The following LARGE1 variants were observed in gnomAD, a reference collection of about 807,000 sequenced individuals.
The protein encoded by LARGE1 is xylosyl- and glucuronyltransferase LARGE1.
Under a neutral mutation model 87.6 loss-of-function variants are expected in LARGE1, and 43 were observed. That is an observed-to-expected ratio of 0.49 (90% CI 0.38 to 0.63). LARGE1 has a LOEUF of 0.63. LARGE1 is among the 30% of genes least tolerant of loss of function. The pLI is 0.00. For synonymous variants in LARGE1, 434 were observed against 394.6 expected (o/e 1.10, Z -1.18); for missense variants, 802 against 1,000.2 (o/e 0.80, Z 2.67).
At chr22:33,336,669 C>G (rs551622752) in intron 10 of LARGE1, among the ~76,000 whole-genome samples, 1 of 152,166 alleles carries the variant, frequency 6.6e-6, no homozygotes, top group Non-Finnish European at 1.5e-5. Context: ...TCTCTATATC[C>G]TAAGAAACTC....
rs190246485 is a variant in LARGE1 at position 33,524,067 on chromosome 22, C to T, written c.787+40781G>A. 3.8e-3 allele frequency among the ~76,000 whole-genome samples: 573 copies of T among 152,038 alleles called. 1 individual carries two copies. The highest frequency in any genetic ancestry group is 9.8e-3 in the African/African-American group (407 of 41,480). On this transcript the variant is annotated intron_variant, in intron 6 of 14. Transcript: ENST00000397394. ...CAGCACTTTAGAATGCTGAGGCGGG[C>T]GGATCATGAGGTCAGGAGTTCAAGA...
At chr22:33,070,274 A>G in the LARGE1 span, among the ~76,000 whole-genome samples, 2 of 152,198 alleles carry the variant, frequency 1.3e-5, no homozygotes, top group Non-Finnish European at 2.9e-5. Context: ...ATGTTCAGTA[A>G]ATATTTGTTT....
chr22:33,627,904 C>A (rs765787048), intron 3 of LARGE1, among the ~76,000 whole-genome samples: 1 of 152,158 alleles, frequency 6.6e-6, no homozygotes, highest in African/African-American at 2.4e-5. Context: ...ATCACTCTAC[C>A]GCTCCTCTTC....
chr22:33,409,797 G>A (rs2066241217), intron 7 of LARGE1, among the ~76,000 whole-genome samples: 2 of 149,522 alleles, frequency 1.3e-5, no homozygotes. Flanking sequence ...GGAGGCAGAG[G>A]TTGCAGTGAG....
chr22:33,385,336 C>T (rs2267195), intron 7 of LARGE1, among the ~76,000 whole-genome samples: 11,932 of 146,600 alleles, frequency 0.081, 1,418 homozygotes, highest in Admixed American at 0.2. Flanking sequence ...TCAGATTAGC[C>T]TGGCCAACAT....
chr22:33,649,654 G>A (rs773738035), intron 3 of LARGE1, among the ~76,000 whole-genome samples: 3 of 152,182 alleles, frequency 2.0e-5, no homozygotes, highest in Non-Finnish European at 4.4e-5. Flanking sequence ...TATGAATTCA[G>A]TCTCGCCCAT....
chr22:33,826,369 G>A (rs1030344352), intron 1 of LARGE1, among the ~76,000 whole-genome samples: 1 of 137,424 alleles, frequency 7.3e-6, no homozygotes, highest in Admixed American at 7.3e-5. Context: ...TTAAGATGGA[G>A]TCTCGCTCTG....
At chr22:33,083,488 G>T in the LARGE1 span, among the ~76,000 whole-genome samples, 4 of 152,204 alleles carry the variant, frequency 2.6e-5, no homozygotes, top group Non-Finnish European at 4.4e-5. Flanking sequence ...TTGTTCAAAA[G>T]TACTCACTGA....
Position 33,650,674 on chromosome 22 carries a change from G to A in LARGE1, c.107-6C>T. The A allele has an allele frequency of 2.5e-6, 4 of 1,599,148 alleles. No individual in the cohort carries two copies. The highest frequency in any genetic ancestry group is 2.2e-5 in the East Asian group (1 of 44,860). Reference sequence around the variant, plus strand: ...CAGAGACACGGGCTTTCCATCTGGGGAGCGAAACACCAGGGAAGCTTTAAT... The same window carrying A: ...CAGAGACACGGGCTTTCCATCTGGGAAGCGAAACACCAGGGAAGCTTTAAT... On this transcript the variant is annotated splice_polypyrimidine_tract_variant and splice_region_variant and intron_variant, in intron 2 of 14. Coordinates refer to ENST00000397394, the MANE Select transcript of LARGE1 (RefSeq NM_133642.5).
At chr22:33,781,800 A>G (rs1428130567) in intron 1 of LARGE1, among the ~76,000 whole-genome samples, 1 of 152,222 alleles carries the variant, frequency 6.6e-6, no homozygotes, top group Non-Finnish European at 1.5e-5. Context: ...ACACAAATAG[A>G]TATACATAAG....
chr22:33,114,493 T>C, the LARGE1 span, among the ~76,000 whole-genome samples: 2 of 152,368 alleles, frequency 1.3e-5, no homozygotes, highest in Admixed American at 6.5e-5. Context: ...TTATTATCTA[T>C]AAATTCCACA....
intron 1 of LARGE1, among the ~76,000 whole-genome samples, chr22:33,917,081 G>C (rs1402859948): frequency 2.6e-5 from 4 of 152,186 alleles, no homozygotes; most frequent in Admixed American, 6.5e-5. Flanking sequence ...CAGAGTTCAA[G>C]GGAAAAGTAA....
Position 33,304,471 on chromosome 22 carries a change from C to T in LARGE1, c.1488G>A (p.Glu496=). 1.2e-6 allele frequency: 2 copies of T among 1,610,546 alleles called. No homozygotes were observed. The highest frequency in any genetic ancestry group is 1.7e-6 in the Non-Finnish European group (2 of 1,178,066). The change falls in exon 12 of 15, where the codon GAG becomes GAA. Residue 496 remains glutamate (E), a synonymous_variant. Transcript: ENST00000397394. The part of the protein sequence containing the change: ...QMLEAICKHW[E]GPISLALYLS... ...GGTAGAGGGCCAGGCTGATGGGCCC[C>T]TCCCAGTGCTTGCAGATGGCCTCCA...
At chr22:33,664,082 T>C (rs2081202785) in intron 2 of LARGE1, among the ~76,000 whole-genome samples, 2 of 152,140 alleles carry the variant, frequency 1.3e-5, no homozygotes, top group African/African-American at 2.4e-5. Context: ...GCCACCTCCA[T>C]TGTCTCAACA....
At chr22:33,571,990 T>G (rs149685729) in intron 5 of LARGE1, among the ~76,000 whole-genome samples, 13 of 152,332 alleles carry the variant, frequency 8.5e-5, no homozygotes, top group African/African-American at 3.1e-4. Flanking sequence ...TGGGCATTCC[T>G]GGCTTCCAAA....
At chr22:33,158,778 C>G (rs1030978600), downstream of LARGE1, among the ~76,000 whole-genome samples, 1 of 152,104 alleles carries the variant, frequency 6.6e-6, no homozygotes, top group Non-Finnish European at 1.5e-5. Context: ...TCCCGTAACA[C>G]TGGACAAAGG....
At chr22:33,147,467 G>A in the LARGE1 span, among the ~76,000 whole-genome samples, 3 of 152,010 alleles carry the variant, frequency 2.0e-5, no homozygotes, top group East Asian at 1.9e-4. Flanking sequence ...GTATAATTAC[G>A]TTTTAGTTTA....
intron 6 of LARGE1, among the ~76,000 whole-genome samples, chr22:33,534,634 A>G (rs746573627): frequency 1.3e-5 from 2 of 151,884 alleles, no homozygotes; most frequent in African/African-American, 2.4e-5. Flanking sequence ...AAGAGTGTGG[A>G]TTATTAGAAT....
chr22:33,735,042 G>A (rs2083605117), intron 2 of LARGE1, among the ~76,000 whole-genome samples: 2 of 152,140 alleles, frequency 1.3e-5, no homozygotes, highest in South Asian at 2.1e-4. Flanking sequence ...AGAGACAACT[G>A]AGAAGAAACA....
Sources: allele counts gnomAD v4.1 joint callset (sites outside exome capture counted in the v4.1 genomes callset), GRCh38; gene constraint gnomAD v4.1.1; transcripts MANE v1.5; gene names NCBI Gene and HGNC (gene_info 2026-07-23, HGNC 2026-07-21).